GRIK4: variants seen among roughly 807,000 people sequenced by gnomAD.
GRIK4 encodes the protein glutamate receptor ionotropic, kainate 4.
Under a neutral mutation model 104.9 loss-of-function variants are expected in GRIK4, and 40 were observed. That is an observed-to-expected ratio of 0.38 (90% CI 0.30 to 0.50). The LOEUF (loss-of-function observed/expected upper bound fraction) is 0.50. Among genes scored for constraint, GRIK4 ranks in the 20% least tolerant of loss-of-function variants. The probability of loss-of-function intolerance (pLI) is 0.93; values close to 1 mark genes in which losing one functional copy is unlikely to be tolerated. For missense variants in GRIK4, 1,047 were observed against 1,308.1 expected, an observed-to-expected ratio of 0.80 and a Z score of 3.08; for synonymous variants, 485 against 524.9, an observed-to-expected ratio of 0.92 and a Z score of 1.04.
At chr11:120,694,862 C>T (rs1950416400) in intron 3 of GRIK4, among the ~76,000 whole-genome samples, 1 of 152,200 alleles carries the variant, frequency 6.6e-6, no homozygotes, top group Non-Finnish European at 1.5e-5. Flanking sequence ...GACAGGCAAG[C>T]AACACAGGTC....
chr11:120,799,465 G>T (rs543688200), intron 3 of GRIK4, among the ~76,000 whole-genome samples: 14 of 152,258 alleles, frequency 9.2e-5, no homozygotes, highest in African/African-American at 2.9e-4. Context: ...GCTCCCTAGC[G>T]CACCCCCTGC....
intron 3 of GRIK4, among the ~76,000 whole-genome samples, chr11:120,756,127 T>C (rs1030459453): frequency 6.6e-6 from 1 of 152,208 alleles, no homozygotes; most frequent in African/African-American, 2.4e-5. Context: ...CTTGGTCACC[T>C]GCACCACCCT....
intron 3 of GRIK4, among the ~76,000 whole-genome samples, chr11:120,789,736 G>T (rs1201253615): frequency 1.3e-5 from 2 of 152,018 alleles, no homozygotes; most frequent in Non-Finnish European, 2.9e-5. Flanking sequence ...AGGTGCTCAG[G>T]CCCCTCCCGC....
In GRIK4 at chr11:120,819,777, C is replaced by T; in HGVS notation, c.368C>T (p.Pro123Leu). The stretch of plus-strand genomic sequence containing the variant: ...CAGGTCCCTCACTTCAAAGTGGCCC[C>T]AGAGGAGTTCGTCAAGTTCCAGTTC... The part of the protein sequence containing the change: ...EKEVPHFKVA[P>L]EEFVKFQFQR... Residue 123 changes from proline to leucine, a missense_variant, in exon 6 of 21, where the codon CCA (proline) becomes CTA (leucine). Physicochemically the swap from Pro to Leu is moderately conservative, Grantham distance 98 (BLOSUM62 -3). Transcript: ENST00000527524. The surrounding 1 kb of genome is among the most constrained non-coding windows in gnomAD (Gnocchi z 4.3). 1 of 1,614,170 alleles carries T rather than the reference C, an allele frequency of 6.2e-7. No individual in the cohort carries two copies. The highest frequency in any genetic ancestry group is 1.3e-5 in the African/African-American group (1 of 75,044).
chr11:120,728,951 C>T (rs572771800), intron 3 of GRIK4, among the ~76,000 whole-genome samples: 1 of 152,216 alleles, frequency 6.6e-6, no homozygotes, highest in South Asian at 2.1e-4. Flanking sequence ...TCCTTCTACT[C>T]TCTTTCTCCA....
intron 3 of GRIK4, among the ~76,000 whole-genome samples, chr11:120,795,779 G>A (rs1952498594): frequency 6.6e-6 from 1 of 152,140 alleles, no homozygotes; most frequent in Non-Finnish European, 1.5e-5. Flanking sequence ...TTTAAGTACA[G>A]CCATCTCTCA....
chr11:120,706,278 G>A (rs2135343982), intron 3 of GRIK4, among the ~76,000 whole-genome samples: 1 of 152,296 alleles, frequency 6.6e-6, no homozygotes, highest in Non-Finnish European at 1.5e-5. Context: ...TCCACCCATA[G>A]CTGCCCTATG....
At chr11:120,580,884 C>T (rs1475554040) in intron 1 of GRIK4, among the ~76,000 whole-genome samples, 2 of 152,192 alleles carry the variant, frequency 1.3e-5, no homozygotes, top group Non-Finnish European at 1.5e-5. Context: ...TTCCTATCAC[C>T]AACGCATGAG....
chr11:120,667,541 A>G (rs1319085216), intron 3 of GRIK4, among the ~76,000 whole-genome samples: 1 of 152,202 alleles, frequency 6.6e-6, no homozygotes, highest in Admixed American at 6.5e-5. Context: ...GGTCACACTT[A>G]GCTCTCATTA....
intron 3 of GRIK4, among the ~76,000 whole-genome samples, chr11:120,781,589 C>A (rs938687782): frequency 1.3e-5 from 2 of 152,116 alleles, no homozygotes; most frequent in African/African-American, 4.8e-5. Flanking sequence ...TGAGCTTAAG[C>A]AGTCCTCCCA....
At chr11:120,577,653 T>C (rs1354611042) in intron 1 of GRIK4, among the ~76,000 whole-genome samples, 1 of 152,138 alleles carries the variant, frequency 6.6e-6, no homozygotes, top group Admixed American at 6.5e-5. Context: ...CACAGAGTCA[T>C]TTTGCCTTTC....
intron 3 of GRIK4, among the ~76,000 whole-genome samples, chr11:120,706,633 G>T (rs1950633769): frequency 6.6e-6 from 1 of 152,162 alleles, no homozygotes; most frequent in South Asian, 2.1e-4. Flanking sequence ...TTGATTTCTG[G>T]CCTAGAAAAC....
intron 3 of GRIK4, among the ~76,000 whole-genome samples, chr11:120,699,539 ATGTGTGTGTGTGTGTGTGTGTGTGTGTG>A (rs57345739): frequency 2.1e-5 from 3 of 145,094 alleles, no homozygotes; most frequent in Non-Finnish European, 3.0e-5. Flanking sequence ...AGGTGTGTGT[ATGTGTGTGTGTGTGTGTGTGTGTGTGTG>A]TGTGTGTGTG....
chr11:120,663,981 G>C (rs1156927414), intron 3 of GRIK4, among the ~76,000 whole-genome samples: 1 of 152,182 alleles, frequency 6.6e-6, no homozygotes, highest in Non-Finnish European at 1.5e-5. Context: ...ATATTCTAAA[G>C]ATTATGGCAT....
At position 120,743,739 on chromosome 11, in the gene GRIK4, C is replaced by T. The variant is rs1951381737; in HGVS notation, c.83-58954C>T. 2.0e-5 allele frequency among the ~76,000 whole-genome samples: 3 copies of T among 152,192 alleles called. No homozygotes were observed. The South Asian group carries it at 6.2e-4, about 32-fold the overall frequency. On this transcript the variant is annotated intron_variant, in intron 3 of 20. Coordinates refer to ENST00000527524, the MANE Select transcript of GRIK4 (RefSeq NM_014619.5). ...GCACAAAGTTCAGCACATACAAAGTCTCATAGATGCTTTTTGAAAATTTTT... is the reference window on the plus strand; with the variant it reads ...GCACAAAGTTCAGCACATACAAAGTTTCATAGATGCTTTTTGAAAATTTTT...
chr11:120,808,683 C>T (rs1591939974), intron 4 of GRIK4, among the ~76,000 whole-genome samples: 1 of 152,320 alleles, frequency 6.6e-6, no homozygotes, highest in East Asian at 1.9e-4. Context: ...GCGTTCCTGA[C>T]AGCTTTGGCA....
intron 3 of GRIK4, among the ~76,000 whole-genome samples, chr11:120,786,921 G>A (rs1180572050): frequency 1.3e-5 from 2 of 152,190 alleles, no homozygotes; most frequent in South Asian, 2.1e-4. Flanking sequence ...CATCTGGGTG[G>A]AGATGTGCTT....
intron 1 of GRIK4, among the ~76,000 whole-genome samples, chr11:120,578,574 C>A (rs577059292): frequency 6.6e-6 from 1 of 152,234 alleles, no homozygotes; most frequent in Non-Finnish European, 1.5e-5. Flanking sequence ...ACCTTCCCTC[C>A]CTTCCATAGA....
intron 1 of GRIK4, among the ~76,000 whole-genome samples, chr11:120,640,464 G>A (rs1246768123): frequency 2.0e-5 from 3 of 152,068 alleles, no homozygotes; most frequent in Non-Finnish European, 1.5e-5. Flanking sequence ...AAACCAGTAG[G>A]TGCTTAATAT....
Sources: allele counts gnomAD v4.1 joint callset (sites outside exome capture counted in the v4.1 genomes callset), GRCh38; gene constraint gnomAD v4.1.1; non-coding constraint Gnocchi (gnomAD v3.1); transcripts MANE v1.5; gene names NCBI Gene and HGNC (gene_info 2026-07-23, HGNC 2026-07-21).